MARCHF3: variants seen among roughly 807,000 people sequenced by gnomAD.
The protein encoded by MARCHF3 is membrane associated ring-CH-type finger 3.
Under a neutral mutation model 24.2 loss-of-function variants are expected in MARCHF3, and 13 were observed. That is an observed-to-expected ratio of 0.54 (90% CI 0.35 to 0.85). The LOEUF is 0.85. MARCHF3 is among the 40% of genes least tolerant of loss of function. The pLI is 0.01. For missense variants in MARCHF3, 276 were observed against 325.0 expected (o/e 0.85, Z 1.16); for synonymous variants, 144 against 137.3 (o/e 1.05, Z -0.34).
intron 1 of MARCHF3, among the ~76,000 whole-genome samples, chr5:126,953,223 T>C (rs1452331669): frequency 2.0e-5 from 3 of 152,202 alleles, no homozygotes; most frequent in Non-Finnish European, 4.4e-5. Flanking sequence ...TTAATTTCAT[T>C]GAACTGTTTA....
At chr5:126,898,836 AGAGG>A (rs1754011602) in intron 3 of MARCHF3, 1 of 979,514 alleles carries the variant, frequency 1.0e-6, no homozygotes, top group African/African-American at 1.8e-5. Flanking sequence ...TAGCATCGCT[AGAGG>A]TGAAGCAATG....
chr5:127,009,606 G>A (rs1186076044), intron 1 of MARCHF3, among the ~76,000 whole-genome samples: 1 of 152,086 alleles, frequency 6.6e-6, no homozygotes, highest in East Asian at 1.9e-4. Context: ...AATCCCAACT[G>A]GATTCCTGTT....
intron 1 of MARCHF3, among the ~76,000 whole-genome samples, chr5:126,932,989 C>T (rs938656727): frequency 2.0e-5 from 3 of 152,208 alleles, no homozygotes; most frequent in Non-Finnish European, 4.4e-5. Context: ...GATCCCAACA[C>T]TTCTAGAAAC....
chr5:126,924,161 C>T (rs904737891), intron 1 of MARCHF3, among the ~76,000 whole-genome samples: 10 of 152,124 alleles, frequency 6.6e-5, no homozygotes, highest in South Asian at 2.1e-4. Context: ...GGAAACCACC[C>T]GAGGCCCTAA....
chr5:126,911,491 T>A, intron 3 of MARCHF3, among the ~76,000 whole-genome samples: 1 of 152,216 alleles, frequency 6.6e-6, no homozygotes, highest in East Asian at 1.9e-4. Context: ...GTTCCCCCGA[T>A]AATCTACATT....
chr5:127,005,173 G>T (rs1185296318), intron 1 of MARCHF3, among the ~76,000 whole-genome samples: 1 of 133,236 alleles, frequency 7.5e-6, no homozygotes, highest in South Asian at 2.4e-4. Context: ...GTCTTGCTCT[G>T]TCACTCAGGC....
Position 126,889,538 on chromosome 5 carries a change from G to A in MARCHF3, c.394-11144C>T, listed in dbSNP as rs139585671. Reference sequence around the variant, plus strand: ...AATACAATGCACACGGAAAACAGACGACAGAGCAGACAATGTCACCACATG... The same window carrying A: ...AATACAATGCACACGGAAAACAGACAACAGAGCAGACAATGTCACCACATG... On this transcript the variant is annotated intron_variant, in intron 3 of 4. Transcript: ENST00000308660. 1.9e-4 allele frequency among the ~76,000 whole-genome samples: 29 copies of A among 152,116 alleles called. No individual in the cohort carries two copies. In the East Asian group the frequency reaches 5.6e-3, roughly 30 times the overall value.
At chr5:126,882,634 G>C (rs889227863) in intron 3 of MARCHF3, among the ~76,000 whole-genome samples, 5 of 152,142 alleles carry the variant, frequency 3.3e-5, no homozygotes, top group Non-Finnish European at 7.3e-5. Context: ...AACAGGAAGA[G>C]GCAGAAGGCA....
intron 1 of MARCHF3, among the ~76,000 whole-genome samples, chr5:126,996,533 AG>A (rs1751954481): frequency 1.3e-5 from 2 of 148,414 alleles, no homozygotes; most frequent in Admixed American, 1.3e-4. Flanking sequence ...ACTGCAAGGA[AG>A]GAAAAAAAAA....
intron 3 of MARCHF3, among the ~76,000 whole-genome samples, chr5:126,894,956 G>A (rs1753823531): frequency 6.6e-6 from 1 of 152,040 alleles, no homozygotes; most frequent in East Asian, 1.9e-4. Context: ...CCAATCAGAT[G>A]TAGATTTGGT....
intron 3 of MARCHF3, among the ~76,000 whole-genome samples, chr5:126,895,728 G>A (rs1215522009): frequency 6.6e-6 from 1 of 152,118 alleles, no homozygotes; most frequent in Non-Finnish European, 1.5e-5. Context: ...TGTCAGACAG[G>A]GACATTTAAG....
intron 3 of MARCHF3, among the ~76,000 whole-genome samples, chr5:126,888,663 C>T (rs1753574004): frequency 6.6e-6 from 1 of 152,146 alleles, no homozygotes; most frequent in Non-Finnish European, 1.5e-5. Flanking sequence ...ATAACCAAGA[C>T]AGAATGGAGA....
intron 1 of MARCHF3, among the ~76,000 whole-genome samples, chr5:126,979,698 C>T (rs773343573): frequency 3.9e-5 from 6 of 152,116 alleles, no homozygotes; most frequent in Non-Finnish European, 8.8e-5. Context: ...CCTGTAATCC[C>T]AGCACTCTGA....
chr5:126,949,117 A>T (rs1750130008), intron 1 of MARCHF3, among the ~76,000 whole-genome samples: 1 of 152,244 alleles, frequency 6.6e-6, no homozygotes, highest in Non-Finnish European at 1.5e-5. Context: ...CTTAAAAGAC[A>T]TTGTTTAGGA....
At chr5:126,899,171 G>A (rs111712281) in intron 3 of MARCHF3, 2 of 985,110 alleles carry the variant, frequency 2.0e-6, no homozygotes, top group Non-Finnish European at 2.4e-6. Context: ...GGTGAGGCAC[G>A]CCACAGAAAC....
chr5:126,906,765 C>G (rs1412247614), intron 3 of MARCHF3, among the ~76,000 whole-genome samples: 1 of 152,120 alleles, frequency 6.6e-6, no homozygotes, highest in African/African-American at 2.4e-5. Flanking sequence ...TTTCAAAAAA[C>G]CAGCTCCTGG....
At chr5:126,883,955 A>G (rs1447571294) in intron 3 of MARCHF3, among the ~76,000 whole-genome samples, 2 of 152,224 alleles carry the variant, frequency 1.3e-5, no homozygotes, top group East Asian at 3.8e-4. Context: ...GCTAGAAGGA[A>G]AAAAAGAGAA....
intron 3 of MARCHF3, among the ~76,000 whole-genome samples, chr5:126,888,925 C>T (rs1162905479): frequency 3.3e-5 from 5 of 152,234 alleles, no homozygotes; most frequent in South Asian, 4.1e-4. Context: ...CCACCACGCC[C>T]GGGTAATTTT....
At chr5:126,953,224 G>C (rs529910277) in intron 1 of MARCHF3, among the ~76,000 whole-genome samples, 26 of 151,782 alleles carry the variant, frequency 1.7e-4, no homozygotes, top group Non-Finnish European at 3.1e-4. Context: ...TAATTTCATT[G>C]AACTGTTTAA....
Sources: gnomAD v4.1 joint callset for allele counts (sites outside exome capture counted in the v4.1 genomes callset) on GRCh38, gnomAD v4.1.1 for gene constraint, MANE v1.5 for transcripts, NCBI Gene and HGNC (gene_info 2026-07-23, HGNC 2026-07-21) for gene names.